Variants in DOCK8 observed in about 807,000 individuals in gnomAD.
DOCK8 encodes the protein dedicator of cytokinesis protein 8.
A neutral mutation model predicts 245.6 loss-of-function variants in DOCK8; 141 were observed. The ratio of observed to expected loss-of-function variants is 0.57; its 90% confidence interval spans 0.50 to 0.66. The LOEUF (loss-of-function observed/expected upper bound fraction) is 0.66. DOCK8 is among the 30% of genes least tolerant of loss of function. DOCK8 has a pLI of 0.00. For missense variants in DOCK8, 2,965 were observed against 2,603.4 expected (o/e 1.14, Z -3.02); for synonymous variants, 1,168 against 970.2 (o/e 1.20, Z -3.79).
chr9:420,917 A>G (rs771416087), intron 31 of DOCK8, 32 bp from the exon 32 acceptor site: 103 of 1,613,958 alleles, frequency 6.4e-5, no homozygotes, highest in Non-Finnish European at 8.1e-5. Context: ...ATCTCACCAA[A>G]GGACATGTCC....
At chr9:434,194 A>G (rs1432805282) in intron 38 of DOCK8, among the ~76,000 whole-genome samples, 1 of 152,164 alleles carries the variant, frequency 6.6e-6, no homozygotes, top group Non-Finnish European at 1.5e-5. Context: ...ATGTTATTAA[A>G]TATAATAACA....
At chr9:442,339 A>T (rs141455083) in intron 42 of DOCK8, among the ~76,000 whole-genome samples, 1 of 152,360 alleles carries the variant, frequency 6.6e-6, no homozygotes, top group Non-Finnish European at 1.5e-5. Context: ...TTAGTAGTTT[A>T]TACTAGTAGA....
At chr9:421,224 G>T (rs2056263779) in intron 32 of DOCK8, 146 bp downstream of exon 32, 1 of 1,153,182 alleles carries the variant, frequency 8.7e-7, no homozygotes. Flanking sequence ...GGGAGTCTGT[G>T]TGTGACATTT....
At position 271,683 on chromosome 9, in the gene DOCK8, A is replaced by G; in HGVS notation, c.110A>G (p.Tyr37Cys). The G allele has an allele frequency of 6.4e-7, 1 of 1,551,886 alleles. No homozygotes were observed. The highest frequency in any genetic ancestry group is 8.7e-7 in the Non-Finnish European group (1 of 1,146,904). The change falls in exon 2 of 48, where the codon TAC (tyrosine) becomes TGC (cysteine). Residue 37 changes from tyrosine (Y) to cysteine (C), a missense_variant. Tyr to Cys is a radical substitution (Grantham distance 194). Transcript: ENST00000432829. ...ACTCTCCCACCAAACCTTGGCCAGT[A>G]CCATCGACAGAGCATAAGTACCTCT... ...QFTLPPNLGQ[Y>C]HRQSISTSGF...
rs550990048 is a variant in DOCK8 at position 287,797 on chromosome 9, T to A, written c.332+1161T>A. On this transcript the variant is annotated intron_variant, in intron 3 of 47. Coordinates refer to ENST00000432829, the MANE Select transcript of DOCK8 (RefSeq NM_203447.4). ...TTAACACCTACTATTTCATCTTTAG[T>A]GAAGAATCATTTAATTTATTCCTTT... 2.0e-5 allele frequency among the ~76,000 whole-genome samples: 3 copies of A among 152,330 alleles called. No individual in the cohort carries two copies. The South Asian group carries it at 6.2e-4, about 32-fold the overall frequency.
intron 1 of DOCK8, among the ~76,000 whole-genome samples, chr9:252,193 T>C (rs1273102903): frequency 2.0e-5 from 3 of 152,018 alleles, no homozygotes; most frequent in Non-Finnish European, 4.4e-5. Flanking sequence ...CAGGTTGGTC[T>C]CGAACTCCTG....
chr9:430,460 T>A (rs2056667729), intron 36 of DOCK8, among the ~76,000 whole-genome samples: 1 of 151,918 alleles, frequency 6.6e-6, no homozygotes, highest in South Asian at 2.1e-4. Flanking sequence ...GGCAGGCAGA[T>A]CAGATGAGGC....
chr9:384,909 A>C (rs1168575076), intron 22 of DOCK8, among the ~76,000 whole-genome samples: 1 of 152,176 alleles, frequency 6.6e-6, no homozygotes, highest in Non-Finnish European at 1.5e-5. Flanking sequence ...GAGCGAGACT[A>C]CGTCTAAAAA....
chr9:265,487 G>A (rs78058562), intron 1 of DOCK8, among the ~76,000 whole-genome samples: 6,179 of 152,212 alleles, frequency 0.041, 387 homozygotes, highest in African/African-American at 0.14. Flanking sequence ...TTTTACAGTC[G>A]TTCGTTACCA....
intron 14 of DOCK8, among the ~76,000 whole-genome samples, chr9:358,065 T>C (rs10117592): frequency 0.57 from 86,246 of 151,840 alleles, 25,860 homozygotes; most frequent in East Asian, 0.81. Flanking sequence ...ATGAACCTTC[T>C]CATTCTATTT....
intron 9 of DOCK8, among the ~76,000 whole-genome samples, chr9:329,048 C>T (rs1301410387): frequency 7.1e-6 from 1 of 141,522 alleles, no homozygotes; most frequent in Non-Finnish European, 1.5e-5. Flanking sequence ...CTCCCGGGTT[C>T]AAACGATTCT....
chr9:328,094 G>A lies in DOCK8; in HGVS notation c.967G>A (p.Val323Met). The A allele has an allele frequency of 2.5e-6, 4 of 1,614,194 alleles. No individual in the cohort carries two copies. Among genetic ancestry groups the A allele is most frequent in the Non-Finnish European group, 3.4e-6 (4 of 1,180,026 alleles). ...ATTTCTGCGAGCTCACACGCCTTCAGTGGCCGCATCAAGTCAGGCGAGATC... is the reference window on the plus strand; with the variant it reads ...ATTTCTGCGAGCTCACACGCCTTCAATGGCCGCATCAAGTCAGGCGAGATC... ...KGFLRAHTPS[V>M]AASSQARSAV... Residue 323 changes from valine to methionine, a missense_variant, in exon 9 of 48, where the codon GTG becomes ATG. Val to Met is a conservative substitution (Grantham distance 21). Transcript: ENST00000432829.
intron 24 of DOCK8, among the ~76,000 whole-genome samples, chr9:394,826 GTTC>G (rs2054372736): frequency 6.6e-6 from 1 of 152,358 alleles, no homozygotes; most frequent in South Asian, 2.1e-4. Context: ...TCTACTGGAT[GTTC>G]TTCTCTGGAG....
intron 5 of DOCK8, among the ~76,000 whole-genome samples, chr9:310,944 A>G (rs748271732): frequency 5.9e-5 from 9 of 152,180 alleles, no homozygotes; most frequent in Non-Finnish European, 1.3e-4. Context: ...GCAAAGCATG[A>G]GAGGATGTCA....
chr9:432,437 A>G, intron 37 of DOCK8, 113 bp downstream of exon 37: 2 of 1,088,922 alleles, frequency 1.8e-6, no homozygotes, highest in South Asian at 3.1e-5. Context: ...AACATTTGCA[A>G]GTATTTATTG....
intron 38 of DOCK8, 48 bp from the exon 39 acceptor site, chr9:434,735 C>G (rs1034899138): frequency 6.3e-7 from 1 of 1,575,236 alleles, no homozygotes; most frequent in African/African-American, 1.3e-5. Flanking sequence ...AGAACAGTGT[C>G]ATTAACCCAC....
At chr9:278,282 CA>C (rs2130107890) in intron 2 of DOCK8, among the ~76,000 whole-genome samples, 1 of 152,348 alleles carries the variant, frequency 6.6e-6, no homozygotes, top group South Asian at 2.1e-4. Context: ...TTGTTGGAAG[CA>C]GGAGAGTGTT....
intron 30 of DOCK8, among the ~76,000 whole-genome samples, chr9:419,578 A>G (rs2056188868): frequency 6.6e-6 from 1 of 152,136 alleles, no homozygotes; most frequent in Non-Finnish European, 1.5e-5. Flanking sequence ...TTGCTTTATA[A>G]CCTCTATTAT....
intron 35 of DOCK8, among the ~76,000 whole-genome samples, chr9:428,760 T>C (rs1487704883): frequency 6.6e-6 from 1 of 152,224 alleles, no homozygotes; most frequent in African/African-American, 2.4e-5. Context: ...GTCTATGACA[T>C]GAGAACAGAG....
Sources: allele counts gnomAD v4.1 joint callset (sites outside exome capture counted in the v4.1 genomes callset), GRCh38; gene constraint gnomAD v4.1.1; transcripts MANE v1.5; gene names NCBI Gene and HGNC (gene_info 2026-07-23, HGNC 2026-07-21).